Variants in LCT observed in about 807,000 individuals in gnomAD.
LCT encodes lactase.
In LCT, 90 loss-of-function variants were observed where a neutral mutation model predicts 173.0. The ratio of observed to expected loss-of-function variants is 0.52; its 90% CI spans 0.44 to 0.62. The LOEUF (loss-of-function observed/expected upper bound fraction) is 0.62, where lower values mean the gene tolerates loss of function less well. Ranked by LOEUF, LCT falls within the 20% of genes least tolerant of loss-of-function variation. The pLI is 0.00. For missense variants in LCT, 1,864 were observed against 2,431.4 expected (o/e 0.77, Z 4.91); for synonymous variants, 853 against 957.6 (o/e 0.89, Z 2.02).
chr2:135,812,686 C>G lies in LCT; in HGVS notation c.1978G>C (p.Val660Leu). ...TCTGTGAACTCGGGGAGTTGAGCCA[C>G]AGGATGGGAGCACTGTCTGTTCATC... The part of the protein sequence containing the change: ...QQMNRQCSHP[V>L]AQLPEFTEAE... Residue 660 changes from valine to leucine, a missense_variant, in exon 7 of 17, where the codon GTG (valine) becomes CTG (leucine). By Grantham distance (32) the Val-to-Leu change is conservative. This residue lies in a region of LCT where 755 missense variants were observed against 926.3 expected (regional missense o/e 0.82). Coordinates refer to ENST00000264162, the MANE Select transcript of LCT (RefSeq NM_002299.4). 1 of 1,613,910 alleles carries G rather than the reference C, an allele frequency of 6.2e-7. No individual in the cohort carries two copies.
chr2:135,831,314 G>C (rs1054672278), intron 2 of LCT, among the ~76,000 whole-genome samples: 1 of 152,214 alleles, frequency 6.6e-6, no homozygotes, highest in East Asian at 1.9e-4. Context: ...AGGACGTCCA[G>C]TAGGGGATGC....
intron 1 of LCT, 97 bp downstream of exon 1, chr2:135,836,433 G>C: frequency 9.2e-7 from 1 of 1,091,054 alleles, no homozygotes; most frequent in Non-Finnish European, 1.4e-6. Context: ...ACTGCTGAAG[G>C]TGAGTTGGGA....
intron 6 of LCT, among the ~76,000 whole-genome samples, chr2:135,814,202 C>T (rs1170644201): frequency 6.6e-6 from 1 of 152,164 alleles, no homozygotes; most frequent in East Asian, 1.9e-4. Flanking sequence ...CAAAATATGC[C>T]ATAATCACTA....
intron 12 of LCT, among the ~76,000 whole-genome samples, chr2:135,798,482 A>C (rs2077600347): frequency 6.6e-6 from 1 of 152,148 alleles, no homozygotes. Context: ...GAGAACCCAC[A>C]AGCCTCCAGG....
intron 9 of LCT, among the ~76,000 whole-genome samples, chr2:135,806,699 G>C (rs1224554133): frequency 6.6e-6 from 1 of 152,218 alleles, no homozygotes; most frequent in Non-Finnish European, 1.5e-5. Flanking sequence ...GGAGCACTAG[G>C]CTATACCATG....
intron 14 of LCT, chr2:135,794,294 C>T: frequency 9.0e-6 from 2 of 222,008 alleles, no homozygotes; most frequent in South Asian, 1.7e-4. Flanking sequence ...TTGATAAAAC[C>T]TAAACAATTT....
intron 13 of LCT, among the ~76,000 whole-genome samples, chr2:135,796,428 A>G (rs1388408147): frequency 6.6e-6 from 1 of 152,100 alleles, no homozygotes; most frequent in African/African-American, 2.4e-5. Flanking sequence ...CAGGCCCTCC[A>G]CCATGTGGCC....
At position 135,804,850 on chromosome 2, in the gene LCT, T is replaced by G; in HGVS notation, c.4381A>C (p.Thr1461Pro). Residue 1461 changes from threonine (T) to proline (P), a missense_variant, in exon 10 of 17, where the codon ACC becomes CCC. Transcript: ENST00000264162. ...CCCGCTTCATTGATGTACCTGGTGGTTCCATCAGGGAGGATGCGAGACCAG... is the reference window on the plus strand; with the variant it reads ...CCCGCTTCATTGATGTACCTGGTGGGTCCATCAGGGAGGATGCGAGACCAG... ...ISWSRILPDG[T>P]TRYINEAGLN... is the part of the protein sequence containing the mutation. The G allele has an allele frequency of 6.2e-7, 1 of 1,613,746 alleles. No individual in the cohort carries two copies. Among genetic ancestry groups the G allele is most frequent in the Non-Finnish European group, 8.5e-7 (1 of 1,179,734 alleles).
chr2:135,805,240 G>A lies in LCT; in HGVS notation c.4174-183C>T, dbSNP rs187710986. ...GCAACCCCAGCGCTATGGGAGGATC[G>A]CTTGAGCCCAGGAGTTCAAAACCAG... is the stretch of plus-strand genomic sequence containing the variant. On this transcript the variant is annotated intron_variant, in intron 9 of 16. Coordinates refer to ENST00000264162, the MANE Select transcript of LCT (RefSeq NM_002299.4). Among the ~76,000 whole-genome samples the A allele has an allele frequency of 1.1e-3, 170 of 152,148 alleles. 1 individual carries two copies. Among genetic ancestry groups the A allele is most frequent in the Admixed American group, 4.3e-3 (65 of 15,280 alleles).
chr2:135,831,909 A>C (rs2077944265), intron 2 of LCT, among the ~76,000 whole-genome samples: 1 of 152,074 alleles, frequency 6.6e-6, no homozygotes, highest in African/African-American at 2.4e-5. Flanking sequence ...GATTATTTTA[A>C]TTTTTCTTTT....
In LCT at chr2:135,790,602, A is replaced by G. The variant is rs1039010426; in HGVS notation, c.5335+56T>C. The G allele has an allele frequency of 3.6e-6, 4 of 1,113,150 alleles. No individual in the cohort carries two copies. The African/African-American group carries it at 4.6e-5, about 13-fold the overall frequency. 69.0% of individuals were successfully genotyped at this position (1,113,150 alleles called of 1,614,324 possible). A position where few individuals can be genotyped will look rare whatever the true frequency, so the allele number is the denominator to read the frequency against. ...GACGCTGTATCACACTCCTGCAAATAGCAGATGTTTCCAACAGGGGAAGGT... is the reference window on the plus strand; with the variant it reads ...GACGCTGTATCACACTCCTGCAAATGGCAGATGTTTCCAACAGGGGAAGGT... On this transcript the variant is annotated intron_variant, in intron 15 of 16. Transcript: ENST00000264162. This position sits in a 1 kb window ranked among gnomAD's most constrained non-coding sequence, Gnocchi z 4.1.
In LCT at chr2:135,804,971, G is replaced by A. The variant is rs373989454; in HGVS notation, c.4260C>T (p.Ala1420=). ...AACTGTCACAGGCCACGTCTCCAAT[G>A]GCATCGTTCTCAACCCTCAGTGGTG... The part of the protein sequence containing the change: ...SHTPLRVEND[A]IGDVACDSYH... The change falls in exon 10 of 17, where the codon GCC becomes GCT. Residue 1420 remains alanine, a synonymous_variant. Coordinates refer to ENST00000264162, the MANE Select transcript of LCT (RefSeq NM_002299.4). 6.2e-6 allele frequency: 10 copies of A among 1,614,020 alleles called. No individual in the cohort carries two copies. Among genetic ancestry groups the A allele is most frequent in the Non-Finnish European group, 8.5e-6 (10 of 1,180,032 alleles).
chr2:135,807,524 C>G, intron 8 of LCT, 128 bp from the exon 9 acceptor site: 1 of 834,260 alleles, frequency 1.2e-6, no homozygotes, highest in South Asian at 1.4e-5. Flanking sequence ...CCTGAGAGAC[C>G]AACAGATCAT....
intron 2 of LCT, among the ~76,000 whole-genome samples, chr2:135,831,449 A>G (rs1050698867): frequency 1.3e-5 from 2 of 152,256 alleles, no homozygotes; most frequent in African/African-American, 4.8e-5. Context: ...CCCACTCGGA[A>G]GTGTGGCTTC....
intron 6 of LCT, among the ~76,000 whole-genome samples, chr2:135,813,550 C>T (rs1051961653): frequency 2.0e-5 from 3 of 152,222 alleles, no homozygotes; most frequent in African/African-American, 7.2e-5. Context: ...ACCACAACCT[C>T]ATATGGCAGG....
intron 5 of LCT, among the ~76,000 whole-genome samples, chr2:135,819,485 G>C (rs1213499284): frequency 6.6e-6 from 1 of 152,126 alleles, no homozygotes; most frequent in African/African-American, 2.4e-5. Context: ...CCATCGTGTG[G>C]AGAGCCGATG....
At position 135,797,182 on chromosome 2, in the gene LCT, AAG is replaced by A. The variant is rs1167406708; in HGVS notation, c.4976+845_4976+846del. 2.6e-4 allele frequency among the ~76,000 whole-genome samples: 40 copies of A among 152,122 alleles called. 1 individual carries two copies. Among genetic ancestry groups the A allele is most frequent in the Middle Eastern group, 3.4e-3 (1 of 294 alleles). Reference sequence around the variant, plus strand: ...AGCCTGGTCTTGAACTCATGACTTCAAGTGATCCGCCCACCTTGGCCTCCCAA... The same window carrying A: ...AGCCTGGTCTTGAACTCATGACTTCATGATCCGCCCACCTTGGCCTCCCAA... On this transcript the variant is annotated intron_variant, in intron 13 of 16. Coordinates refer to ENST00000264162, the MANE Select transcript of LCT (RefSeq NM_002299.4).
At chr2:135,811,387 G>A (rs916906850) in intron 7 of LCT, among the ~76,000 whole-genome samples, 6 of 152,060 alleles carry the variant, frequency 3.9e-5, no homozygotes, top group Non-Finnish European at 8.8e-5. Context: ...GAACATCCTG[G>A]GTTAACTGAG....
chr2:135,804,920 G>A lies in LCT; in HGVS notation c.4311C>T (p.Val1437=). The A allele has an allele frequency of 6.2e-7, 1 of 1,614,192 alleles. No homozygotes were observed. The highest frequency in any genetic ancestry group is 1.1e-5 in the South Asian group (1 of 91,070). The change falls in exon 10 of 17, where the codon GTC becomes GTT. Residue 1437 remains valine, a synonymous_variant. Transcript: ENST00000264162. ...GGGACACGCCCAGGTTCTGCAGGGTGACCAGATCCTCAGCAATCTTGTGAT... is the reference window on the plus strand; with the variant it reads ...GGGACACGCCCAGGTTCTGCAGGGTAACCAGATCCTCAGCAATCTTGTGAT... ...DSYHKIAEDL[V]TLQNLGVSHY... is the part of the protein sequence containing the mutation.
Sources: allele counts gnomAD v4.1 joint callset (sites outside exome capture counted in the v4.1 genomes callset), GRCh38; gene constraint gnomAD v4.1.1; regional missense constraint gnomAD v4.1.1; non-coding constraint Gnocchi (gnomAD v3.1); transcripts MANE v1.5; gene names NCBI Gene and HGNC (gene_info 2026-07-23, HGNC 2026-07-21).